Variants in CCDC88A observed in about 807,000 individuals in gnomAD.
CCDC88A encodes the protein girdin.
CCDC88A carries 54 observed loss-of-function variants against 234.3 expected under a neutral mutation model. That is an observed-to-expected ratio of 0.23 (90% CI 0.19 to 0.29). CCDC88A has a LOEUF of 0.29. Among genes scored for constraint, CCDC88A ranks in the 10% least tolerant of loss-of-function variants. CCDC88A has a pLI of 1.00. For missense variants in CCDC88A, 1,832 were observed against 2,123.4 expected, an observed-to-expected ratio of 0.86 and a Z score of 2.70; for synonymous variants, 753 against 737.8, an observed-to-expected ratio of 1.02 and a Z score of -0.33.
At chr2:55,390,809 A>G (rs1676515398) in intron 2 of CCDC88A, among the ~76,000 whole-genome samples, 1 of 152,194 alleles carries the variant, frequency 6.6e-6, no homozygotes, top group Admixed American at 6.5e-5. Flanking sequence ...TACACTAACA[A>G]AGGGCTCCAA....
intron 3 of CCDC88A, among the ~76,000 whole-genome samples, chr2:55,375,512 T>TAC (rs1491498389): frequency 4.6e-3 from 63 of 13,846 alleles, no homozygotes; most frequent in African/African-American, 0.01. Flanking sequence ...TATATATATA[T>TAC]GTATGTATGT....
At position 55,368,194 on chromosome 2, in the gene CCDC88A, T is replaced by C. The variant is rs1359047997; in HGVS notation, c.403-4161A>G. Among the ~76,000 whole-genome samples the C allele has an allele frequency of 2.0e-5, 3 of 152,188 alleles. 1 individual carries two copies. ...GAAAAAGATTCTGGAGGAACTTGACTGAGTTGGACAGCCAATAACAAAAAT... is the reference window on the plus strand; with the variant it reads ...GAAAAAGATTCTGGAGGAACTTGACCGAGTTGGACAGCCAATAACAAAAAT... On this transcript the variant is annotated intron_variant, in intron 5 of 32. Coordinates refer to ENST00000436346, the MANE Select transcript of CCDC88A (RefSeq NM_001365480.1).
rs1169332657 is a variant in CCDC88A, at chr2:55,317,269, A to C, written c.3683T>G (p.Leu1228Arg). 6.4e-7 allele frequency: 1 copy of C among 1,555,800 alleles called. No individual in the cohort carries two copies. The highest frequency in any genetic ancestry group is 8.7e-7 in the Non-Finnish European group (1 of 1,147,550). ...MLKVEQEKML[L>R]ENKNHETVAA... Reference sequence around the variant, plus strand: ...TACTGTTTCATGATTTTTATTTTCAAGCAGCATTTTTTCCTGTTCTACTTT... The same window carrying C: ...TACTGTTTCATGATTTTTATTTTCACGCAGCATTTTTTCCTGTTCTACTTT... The change falls in exon 21 of 33, where the codon CTT (leucine) becomes CGT (arginine). Residue 1228 changes from leucine to arginine, a missense_variant. This residue lies in a region of CCDC88A where 1,282 missense variants were observed against 1,543.6 expected (regional missense o/e 0.83). Transcript: ENST00000436346. This position sits in a 1 kb window ranked among gnomAD's most constrained non-coding sequence, Gnocchi z 4.2.
At position 55,334,301 on chromosome 2, in the gene CCDC88A, T is replaced by A. The variant is rs568170562; in HGVS notation, c.2520A>T (p.Arg840Ser). The A allele has an allele frequency of 6.9e-7, 1 of 1,456,522 alleles. No homozygotes were observed. Among genetic ancestry groups the A allele is most frequent in the South Asian group, 1.7e-5 (1 of 59,258 alleles). 90.2% of individuals were successfully genotyped at this position (1,456,522 alleles called of 1,614,324 possible). A position where few individuals can be genotyped will look rare whatever the true frequency, so the allele number is the denominator to read the frequency against. Residue 840 changes from arginine (R) to serine (S), a missense_variant, in exon 15 of 33, where the codon AGA becomes AGT. By Grantham distance (110) the Arg-to-Ser change is moderately radical. Coordinates refer to ENST00000436346, the MANE Select transcript of CCDC88A (RefSeq NM_001365480.1). This position sits in a 1 kb window ranked among gnomAD's most constrained non-coding sequence, Gnocchi z 6.1. ...DKKQLEKENKRLRQQAEIKDT... is the reference protein window; with the variant it reads ...DKKQLEKENKSLRQQAEIKDT... ...CTTTAATTTCTGCTTGTTGTCGGAG[T>A]CTCTTATTTTCCTTCTCCAATTGTT...
chr2:55,377,573 T>C (rs1166639962), intron 3 of CCDC88A, among the ~76,000 whole-genome samples: 1 of 152,034 alleles, frequency 6.6e-6, no homozygotes, highest in Non-Finnish European at 1.5e-5. Context: ...CAAATTCACC[T>C]TCATAAAGAG....
intron 17 of CCDC88A, 106 bp from the exon 18 acceptor site, chr2:55,322,798 T>A: frequency 2.0e-6 from 1 of 509,752 alleles, no homozygotes; most frequent in Non-Finnish European, 3.4e-6. Flanking sequence ...CGAAAGGCAA[T>A]TTACTTTTAA....
intron 17 of CCDC88A, 44 bp from the exon 18 acceptor site, chr2:55,322,736 CCA>C (rs779088490): frequency 6.1e-5 from 65 of 1,068,734 alleles, no homozygotes; most frequent in Non-Finnish European, 8.4e-5. Context: ...AAAAAAATCA[CCA>C]CAGTTACATT....
chr2:55,373,439 A>G (rs1673127344), intron 4 of CCDC88A, among the ~76,000 whole-genome samples: 1 of 152,086 alleles, frequency 6.6e-6, no homozygotes, highest in South Asian at 2.1e-4. Context: ...CCCTGATCCA[A>G]TCATCAATGG....
chr2:55,328,744 CTTTGTTTTGTTTTGT>C lies in CCDC88A; in HGVS notation c.2856-324_2856-310del, dbSNP rs57996645. On this transcript the variant is annotated intron_variant, in intron 16 of 32. Transcript: ENST00000436346. The surrounding 1 kb of genome is among the most constrained non-coding windows in gnomAD (Gnocchi z 4.3). ...ATATCCTTTTTATTAATGAAGACTC[CTTTGTTTTGTTTTGT>C]TTTGTTTTGTTTTGTTTTGTTTTGT... The C allele has an allele frequency of 0.071, 11,967 of 168,480 alleles. 1,043 individuals are homozygous for C. The highest frequency in any genetic ancestry group is 0.22 in the African/African-American group (8,851 of 41,122). 10.4% of individuals were successfully genotyped at this position (168,480 alleles called of 1,614,324 possible). A position where few individuals can be genotyped will look rare whatever the true frequency, so the allele number is the denominator to read the frequency against.
intron 2 of CCDC88A, chr2:55,417,986 G>A (rs1285242225): frequency 6.6e-6 from 1 of 152,014 alleles, no homozygotes; most frequent in Non-Finnish European, 1.5e-5. Flanking sequence ...AACTACATTA[G>A]CGTACTTAGA....
intron 2 of CCDC88A, among the ~76,000 whole-genome samples, chr2:55,396,566 T>A (rs1196267599): frequency 6.6e-6 from 1 of 151,792 alleles, no homozygotes; most frequent in Non-Finnish European, 1.5e-5. Context: ...CAAAGAAAAG[T>A]CTGACTTAAA....
chr2:55,318,127 T>C (rs10203515), intron 19 of CCDC88A, among the ~76,000 whole-genome samples: 4 of 152,136 alleles, frequency 2.6e-5, no homozygotes, highest in South Asian at 2.1e-4. Context: ...TAGCAACCAT[T>C]TGTATTATAT....
In CCDC88A at chr2:55,296,656, C is replaced by G. The variant is rs1680063247; in HGVS notation, c.4826-133G>C. The G allele has an allele frequency of 5.0e-6, 4 of 797,650 alleles. No homozygotes were observed. In the Admixed American group the frequency reaches 1.1e-4, roughly 22 times the overall value. 49.4% of individuals were successfully genotyped at this position (797,650 alleles called of 1,614,324 possible). A position where few individuals can be genotyped will look rare whatever the true frequency, so the allele number is the denominator to read the frequency against. Reference sequence around the variant, plus strand: ...TACTTTCAAGCTTTATTTAGAAATGCTTAGTAAACCATGTCAATCTTTTAT... The same window carrying G: ...TACTTTCAAGCTTTATTTAGAAATGGTTAGTAAACCATGTCAATCTTTTAT... On this transcript the variant is annotated intron_variant, in intron 29 of 32. Transcript: ENST00000436346.
intron 14 of CCDC88A, among the ~76,000 whole-genome samples, chr2:55,336,038 A>AAAAAAAAAAATT (rs1363630821): frequency 1.4e-5 from 2 of 148,146 alleles, no homozygotes; most frequent in Non-Finnish European, 1.5e-5. Context: ...ACCAAAAAAT[A>AAAAAAAAAAATT]AAAAAAAAAA....
intron 8 of CCDC88A, among the ~76,000 whole-genome samples, chr2:55,354,472 CTT>C (rs1221602554): frequency 1.3e-5 from 2 of 152,096 alleles, no homozygotes; most frequent in African/African-American, 4.8e-5. Flanking sequence ...AAACTTAACT[CTT>C]TTATAATAAT....
chr2:55,320,453 T>C (rs886782828), intron 18 of CCDC88A, among the ~76,000 whole-genome samples: 4 of 152,164 alleles, frequency 2.6e-5, no homozygotes, highest in African/African-American at 9.6e-5. Context: ...GCCTATTATA[T>C]GGCTAACCGT....
rs1558788505 is a variant in CCDC88A, at chr2:55,384,592, C to CGTATATATGCGTATATATACGT, written c.273+4185_273+4186insACGTATATATACGCATATATAC. Among the ~76,000 whole-genome samples the CGTATATATGCGTATATATACGT allele has an allele frequency of 2.2e-4, 17 of 76,224 alleles. 5 individuals carry two copies. Among genetic ancestry groups the CGTATATATGCGTATATATACGT allele is most frequent in the African/African-American group, 8.9e-4 (16 of 17,954 alleles). The allele number at this position is 76,224 out of a possible 152,430, so 50.0% of individuals were successfully genotyped here. ...ATACGTATATATGTGTATATATACA[C>CGTATATATGCGTATATATACGT]ATATATACGTATATATGTGTATATA... On this transcript the variant is annotated intron_variant, in intron 3 of 32. Coordinates refer to ENST00000436346, the MANE Select transcript of CCDC88A (RefSeq NM_001365480.1).
intron 3 of CCDC88A, among the ~76,000 whole-genome samples, chr2:55,379,686 G>A (rs1030429283): frequency 1.3e-5 from 2 of 152,194 alleles, no homozygotes; most frequent in African/African-American, 4.8e-5. Context: ...CCAGCACTTC[G>A]GGAGGCTGAG....
intron 26 of CCDC88A, 118 bp from the exon 27 acceptor site, chr2:55,302,190 A>T (rs1680978881): frequency 4.1e-6 from 3 of 729,844 alleles, no homozygotes; most frequent in South Asian, 1.8e-5. Flanking sequence ...GACATAAAAA[A>T]TTATAACCAC....
Sources: allele counts gnomAD v4.1 joint callset (sites outside exome capture counted in the v4.1 genomes callset), GRCh38; gene constraint gnomAD v4.1.1; regional missense constraint gnomAD v4.1.1; non-coding constraint Gnocchi (gnomAD v3.1); transcripts MANE v1.5; gene names NCBI Gene and HGNC (gene_info 2026-07-23, HGNC 2026-07-21).